Variants in PTPRD observed in about 807,000 individuals in gnomAD.
The protein encoded by PTPRD is receptor-type tyrosine-protein phosphatase delta.
PTPRD carries 34 observed loss-of-function variants against 214.5 expected under a neutral mutation model. The observed-to-expected ratio is 0.16, with a 90% CI of 0.12 to 0.21. PTPRD has a LOEUF of 0.21. Among genes scored for constraint, PTPRD ranks in the 10% least tolerant of loss-of-function variants. The pLI is 1.00. For missense variants in PTPRD, 2,545 were observed against 2,398.7 expected (o/e 1.06, Z -1.27); for synonymous variants, 1,128 against 845.7 (o/e 1.33, Z -5.79).
At chr9:8,553,740 T>A (rs1340827166) in intron 14 of PTPRD, among the ~76,000 whole-genome samples, 1 of 152,172 alleles carries the variant, frequency 6.6e-6, no homozygotes, top group Non-Finnish European at 1.5e-5. Context: ...ATAAGAACCT[T>A]CTTCTTATGC....
At chr9:9,065,012 T>G (rs2099723795) in intron 10 of PTPRD, among the ~76,000 whole-genome samples, 1 of 152,202 alleles carries the variant, frequency 6.6e-6, no homozygotes. Flanking sequence ...ATGCCTGAAC[T>G]TTTGGCTGAA....
chr9:10,356,547 T>C (rs1266830798), intron 2 of PTPRD, among the ~76,000 whole-genome samples: 1 of 152,210 alleles, frequency 6.6e-6, no homozygotes, highest in Non-Finnish European at 1.5e-5. Context: ...AAAGGAAGAC[T>C]CAGAAAAAGG....
chr9:10,179,909 T>G (rs1310963406), intron 3 of PTPRD, among the ~76,000 whole-genome samples: 1 of 152,056 alleles, frequency 6.6e-6, no homozygotes, highest in African/African-American at 2.4e-5. Context: ...CTAGCAAAAT[T>G]AAATTTGATA....
rs1370976036 is a variant in PTPRD, at chr9:8,449,358, G to C, written c.3988+367C>G. Among the ~76,000 whole-genome samples the C allele has an allele frequency of 5.9e-5, 9 of 151,468 alleles. No homozygotes were observed. In the East Asian group the frequency reaches 1.6e-3, roughly 26 times the overall value. On this transcript the variant is annotated intron_variant, in intron 34 of 45. Coordinates refer to ENST00000381196, the MANE Select transcript of PTPRD (RefSeq NM_002839.4). ...TCCCATGGGATGAAAGATGTGTACA[G>C]TCATCCATTTACTCATTCATTCACT...
chr9:8,753,474 G>T (rs779564074), intron 11 of PTPRD, among the ~76,000 whole-genome samples: 48 of 152,298 alleles, frequency 3.2e-4, no homozygotes, highest in Non-Finnish European at 6.2e-4. Flanking sequence ...TTAAAGGAAT[G>T]ATATTTTGAA....
Position 8,933,339 on chromosome 9 carries a change from GGTTTTT to G in PTPRD, c.-104+85352_-104+85357del, listed in dbSNP as rs1473645378. Among the ~76,000 whole-genome samples, 211 of 68,798 alleles carry G rather than the reference GGTTTTT, an allele frequency of 3.1e-3. 2 individuals carry two copies. Among genetic ancestry groups the G allele is most frequent in the African/African-American group, 0.017 (174 of 9,946 alleles). The allele number at this position is 68,798 out of a possible 152,430, so 45.1% of individuals were successfully genotyped here. ...GCCATCTTGCCAGCCACAACCTTGA[GGTTTTT>G]TTTTTTTTTTTTTTTTTTACATAAA... On this transcript the variant is annotated intron_variant, in intron 11 of 45. Transcript: ENST00000381196.
At chr9:9,921,752 TA>T (rs201619783) in intron 5 of PTPRD, among the ~76,000 whole-genome samples, 2,438 of 135,740 alleles carry the variant, frequency 0.018, 39 homozygotes, top group East Asian at 0.064. Flanking sequence ...TTTATAGAAG[TA>T]AAAAAAAAAA....
intron 5 of PTPRD, among the ~76,000 whole-genome samples, chr9:9,881,187 C>T (rs2068567323): frequency 6.6e-6 from 1 of 151,810 alleles, no homozygotes; most frequent in Non-Finnish European, 1.5e-5. Context: ...TTTTAATTGG[C>T]TAACACTGCA....
At chr9:9,571,202 T>A (rs2086272477) in intron 8 of PTPRD, among the ~76,000 whole-genome samples, 1 of 151,436 alleles carries the variant, frequency 6.6e-6, no homozygotes, top group Non-Finnish European at 1.5e-5. Flanking sequence ...ACAAAATTTT[T>A]AAAAATAAAC....
chr9:10,573,777 G>A (rs928524729), intron 2 of PTPRD, among the ~76,000 whole-genome samples: 1 of 152,080 alleles, frequency 6.6e-6, no homozygotes, highest in Admixed American at 6.6e-5. Flanking sequence ...GGAAGTTGAA[G>A]GAGTAGGAAA....
intron 14 of PTPRD, among the ~76,000 whole-genome samples, chr9:8,632,436 A>G (rs188842641): frequency 6.6e-6 from 1 of 152,080 alleles, no homozygotes; most frequent in Non-Finnish European, 1.5e-5. Context: ...TCATGTTAGG[A>G]AAGTCTATTC....
intron 2 of PTPRD, among the ~76,000 whole-genome samples, chr9:10,587,781 C>G (rs996704705): frequency 2.0e-5 from 3 of 152,012 alleles, no homozygotes; most frequent in Non-Finnish European, 4.4e-5. Context: ...AGTCTATTCC[C>G]TCCACACTTT....
rs1456694660 is a variant in PTPRD, at chr9:8,948,437, TTACATA to T, written c.-104+70254_-104+70259del. On this transcript the variant is annotated intron_variant, in intron 11 of 45. Transcript: ENST00000381196. ...TATATATATATATTTATATATATAT[TTACATA>T]TATATATATTTATATATATATTTAC... Among the ~76,000 whole-genome samples, 40 of 20,114 alleles carry T rather than the reference TTACATA, an allele frequency of 2.0e-3. 5 individuals are homozygous for T. Among genetic ancestry groups the T allele is most frequent in the South Asian group, 0.018 (6 of 334 alleles). The allele number at this position is 20,114 out of a possible 152,430, so 13.2% of individuals were successfully genotyped here.
intron 7 of PTPRD, among the ~76,000 whole-genome samples, chr9:9,703,115 G>C (rs1595613473): frequency 6.6e-6 from 1 of 152,222 alleles, no homozygotes; most frequent in East Asian, 1.9e-4. Context: ...CCCCTATGCT[G>C]TTCTCGCGAT....
At position 9,321,880 on chromosome 9, in the gene PTPRD, T is replaced by G. The variant is rs1331246216; in HGVS notation, c.-203+75569A>C. Among the ~76,000 whole-genome samples the G allele has an allele frequency of 2.0e-5, 3 of 152,168 alleles. No homozygotes were observed. In the East Asian group the frequency reaches 5.8e-4, roughly 29 times the overall value. ...AATATATGCCATCTATTTTACTAACTTTATGGTAATAGACCTAATTAACTT... is the reference window on the plus strand; with the variant it reads ...AATATATGCCATCTATTTTACTAACGTTATGGTAATAGACCTAATTAACTT... On this transcript the variant is annotated intron_variant, in intron 9 of 45. Coordinates refer to ENST00000381196, the MANE Select transcript of PTPRD (RefSeq NM_002839.4).
At chr9:10,583,827 G>A (rs78588749) in intron 2 of PTPRD, among the ~76,000 whole-genome samples, 4,102 of 152,176 alleles carry the variant, frequency 0.027, 111 homozygotes, top group East Asian at 0.1. Flanking sequence ...CTCTTTGAAA[G>A]GACAGCTGTG....
intron 7 of PTPRD, among the ~76,000 whole-genome samples, chr9:9,597,774 A>G (rs1326229137): frequency 6.6e-6 from 1 of 152,046 alleles, no homozygotes; most frequent in African/African-American, 2.4e-5. Context: ...AAGGTAACAG[A>G]TACATGTATA....
intron 11 of PTPRD, among the ~76,000 whole-genome samples, chr9:8,756,192 T>C (rs531195590): frequency 5.9e-5 from 9 of 152,186 alleles, no homozygotes; most frequent in South Asian, 2.1e-4. Context: ...GACTTTCTTA[T>C]ATGCCTTGGC....
At chr9:8,331,809 A>G in intron 43 of PTPRD, 73 bp from the exon 44 acceptor site, 3 of 1,470,714 alleles carry the variant, frequency 2.0e-6, no homozygotes, top group Non-Finnish European at 1.8e-6. Flanking sequence ...ACGGACCACA[A>G]GAACAATCAT....
Sources: allele counts gnomAD v4.1 joint callset (sites outside exome capture counted in the v4.1 genomes callset), GRCh38; gene constraint gnomAD v4.1.1; transcripts MANE v1.5; gene names NCBI Gene and HGNC (gene_info 2026-07-23, HGNC 2026-07-21).